Variants in TUBA4B observed in about 807,000 individuals in gnomAD.
TUBA4B encodes tubulin-like protein alpha-4B.
In TUBA4B, 13 loss-of-function variants were observed where a neutral mutation model predicts 18.4. The ratio of observed to expected loss-of-function variants is 0.71; its 90% confidence interval spans 0.46 to 1.12. The LOEUF is 1.12. Ranked by LOEUF, TUBA4B falls within the 50% of genes most tolerant of loss-of-function variation. The pLI, the probability that TUBA4B is intolerant of heterozygous loss-of-function variation, is 0.00. For synonymous variants in TUBA4B, 101 were observed against 99.1 expected, an observed-to-expected ratio of 1.02 and a Z score of -0.11; for missense variants, 244 against 250.0, an observed-to-expected ratio of 0.98 and a Z score of 0.16.
intron 1 of TUBA4B, chr2:219,253,857 AT>A: frequency 6.7e-7 from 1 of 1,484,984 alleles, no homozygotes; most frequent in Non-Finnish European, 8.9e-7. Context: ...CGCACTCACC[AT>A]GGTGAGTCCG....
In TUBA4B at chr2:219,266,583, T is replaced by C; in HGVS notation, c.58+17T>C. 1.4e-6 allele frequency: 1 copy of C among 702,772 alleles called. No individual in the cohort carries two copies. Among genetic ancestry groups the C allele is most frequent in the South Asian group, 1.5e-5 (1 of 67,590 alleles). The allele number at this position is 702,772 out of a possible 1,614,324, so 43.5% of individuals were successfully genotyped here. On this transcript the variant is annotated intron_variant, in intron 2 of 3. Transcript: ENST00000490341. ...GGCAGCATGGTGAGTAGAAGGGGCC[T>C]TGGGGGGACTGAGCATGCAAGTGAG...
Position 219,271,605 on chromosome 2 carries a change from T to C in TUBA4B, c.632T>C (p.Met211Thr). The C allele has an allele frequency of 6.2e-7, 1 of 1,614,164 alleles. No individual in the cohort carries two copies. The highest frequency in any genetic ancestry group is 1.6e-4 in the Middle Eastern group (1 of 6,062). Residue 211 changes from methionine (M) to threonine (T), a missense_variant, in exon 4 of 4, where the codon ATG becomes ACG. Met to Thr is a moderately conservative substitution (Grantham distance 81). Coordinates refer to ENST00000490341, the MANE Select transcript of TUBA4B (RefSeq NM_001355221.1). ...ACATCCACTTCCCCCTGGCCACCTA[T>C]GCACCAGTCATCTCTGCAGAAAAGG... ...YLTSTSPWPP[M>T]HQSSLQKRYT...
At chr2:219,269,113 A>G (rs1207973919) in intron 2 of TUBA4B, among the ~76,000 whole-genome samples, 1 of 152,200 alleles carries the variant, frequency 6.6e-6, no homozygotes, top group African/African-American at 2.4e-5. Context: ...AAAAAAGAAA[A>G]GAATAATGTG....
At chr2:219,256,527 C>T (rs1951721364) in intron 1 of TUBA4B, among the ~76,000 whole-genome samples, 1 of 152,248 alleles carries the variant, frequency 6.6e-6, no homozygotes. Context: ...TGTCCACATC[C>T]TCATCTCCAG....
At chr2:219,260,991 A>G (rs1014902421) in intron 1 of TUBA4B, among the ~76,000 whole-genome samples, 5 of 152,040 alleles carry the variant, frequency 3.3e-5, no homozygotes, top group African/African-American at 4.8e-5. Context: ...AAATAAATAA[A>G]TAAATAAAAT....
Position 219,271,573 on chromosome 2 carries a change from C to T in TUBA4B, c.600C>T (p.Ser200=), listed in dbSNP as rs779320800. 1 of 1,614,078 alleles carries T rather than the reference C, an allele frequency of 6.2e-7. No homozygotes were observed. Among genetic ancestry groups the T allele is most frequent in the African/African-American group, 1.3e-5 (1 of 74,926 alleles). Residue 200 remains serine, a synonymous_variant, in exon 4 of 4, where the codon TCC becomes TCT. Coordinates refer to ENST00000490341, the MANE Select transcript of TUBA4B (RefSeq NM_001355221.1). The stretch of plus-strand genomic sequence containing the variant: ...CAGAGTTCCAGACCAACCTGGTGTC[C>T]TACCTCACATCCACTTCCCCCTGGC... ...DLTEFQTNLV[S]YLTSTSPWPP...
At chr2:219,266,671 C>T in intron 2 of TUBA4B, 105 bp downstream of exon 2, 1 of 665,930 alleles carries the variant, frequency 1.5e-6, no homozygotes, top group Non-Finnish European at 2.7e-6. Context: ...GGTGATGGGG[C>T]TACAGTATGT....
intron 1 of TUBA4B, among the ~76,000 whole-genome samples, chr2:219,265,551 C>G (rs748349094): frequency 6.6e-6 from 1 of 152,098 alleles, no homozygotes; most frequent in Non-Finnish European, 1.5e-5. Flanking sequence ...GCAGGAGAAT[C>G]GCTCGAACCC....
chr2:219,266,513 T>C lies in TUBA4B; in HGVS notation c.13-8T>C. ...CTCACAGATCTATCCCTGCTCACTA[T>C]CCTGCAGCAGACAGAGAGACAAGAC... is the stretch of plus-strand genomic sequence containing the variant. On this transcript the variant is annotated splice_polypyrimidine_tract_variant and splice_region_variant and intron_variant, in intron 1 of 3. Transcript: ENST00000490341. The C allele has an allele frequency of 1.4e-6, 1 of 702,938 alleles. No individual in the cohort carries two copies. The highest frequency in any genetic ancestry group is 2.6e-6 in the Non-Finnish European group (1 of 384,960). The allele number at this position is 702,938 out of a possible 1,614,324, so 43.5% of individuals were successfully genotyped here. A position where few individuals can be genotyped will look rare whatever the true frequency, so the allele number is the denominator to read the frequency against.
intron 1 of TUBA4B, chr2:219,266,235 G>A (rs1380915518): frequency 2.5e-6 from 1 of 393,060 alleles, no homozygotes; most frequent in African/African-American, 2.1e-5. Context: ...TGTGCCACCA[G>A]GAAATGGGAT....
rs1188660998 is a variant in TUBA4B at position 219,254,532 on chromosome 2, C to T, written c.12+1113C>T. On this transcript the variant is annotated intron_variant, in intron 1 of 3. Coordinates refer to ENST00000490341, the MANE Select transcript of TUBA4B (RefSeq NM_001355221.1). ...TAGGCGCTCCCGCAGAGTCGAGCCC[C>T]GCAGCCTGTCTGCCGGGGCCGACCC... 4.6e-5 allele frequency: 7 copies of T among 152,322 alleles called. No individual in the cohort carries two copies. In the East Asian group the frequency reaches 5.8e-4, roughly 13 times the overall value. The allele number at this position is 152,322 out of a possible 1,614,324, so 9.4% of individuals were successfully genotyped here.
chr2:219,264,895 A>G (rs1951781240), intron 1 of TUBA4B, among the ~76,000 whole-genome samples: 1 of 152,232 alleles, frequency 6.6e-6, no homozygotes, highest in Non-Finnish European at 1.5e-5. Flanking sequence ...GCTAGTGGCC[A>G]TGCGTTCGAA....
Position 219,256,161 on chromosome 2 carries a change from T to G in TUBA4B, c.12+2742T>G, listed in dbSNP as rs530131430. Among the ~76,000 whole-genome samples, 8 of 152,314 alleles carry G rather than the reference T, an allele frequency of 5.3e-5. 1 individual carries two copies. The South Asian group carries it at 1.2e-3, about 24-fold the overall frequency. ...AGACTTGAGCTATCTTAGGAAAAACTCTAAACCTCTTTGACCTTCAGGTGC... is the reference window on the plus strand; with the variant it reads ...AGACTTGAGCTATCTTAGGAAAAACGCTAAACCTCTTTGACCTTCAGGTGC... On this transcript the variant is annotated intron_variant, in intron 1 of 3. Coordinates refer to ENST00000490341, the MANE Select transcript of TUBA4B (RefSeq NM_001355221.1).
chr2:219,271,097 C>T, intron 3 of TUBA4B, 69 bp from the exon 4 acceptor site: 1 of 637,224 alleles, frequency 1.6e-6, no homozygotes, highest in South Asian at 1.9e-5. Context: ...TAAAACAGCA[C>T]AAGTTGGTTC....
intron 1 of TUBA4B, among the ~76,000 whole-genome samples, chr2:219,265,427 A>G (rs1951784104): frequency 6.6e-6 from 1 of 152,204 alleles, no homozygotes; most frequent in South Asian, 2.1e-4. Flanking sequence ...ATCTGAGGCC[A>G]GGAGTTTGAG....
chr2:219,259,318 T>TAA (rs35321348), intron 1 of TUBA4B, among the ~76,000 whole-genome samples: 12 of 73,858 alleles, frequency 1.6e-4, no homozygotes, highest in South Asian at 4.2e-4. Flanking sequence ...AGACTCTGTC[T>TAA]AAAAAAAAAA....
Position 219,271,876 on chromosome 2 carries a change from G to A in TUBA4B, c.*177G>A, listed in dbSNP as rs1951829710. The A allele has an allele frequency of 6.2e-6, 9 of 1,459,686 alleles. No homozygotes were observed. Among genetic ancestry groups the A allele is most frequent in the Non-Finnish European group, 8.7e-6 (9 of 1,039,670 alleles). The allele number at this position is 1,459,686 out of a possible 1,614,324, so 90.4% of individuals were successfully genotyped here. On this transcript the variant is annotated 3_prime_UTR_variant, in exon 4 of 4. Coordinates refer to ENST00000490341, the MANE Select transcript of TUBA4B (RefSeq NM_001355221.1). ...TATCAATCACCAGCCTCCCACTGTG[G>A]TGCCTGGGAGTGACCTGGTAAAGTG...
intron 1 of TUBA4B, among the ~76,000 whole-genome samples, chr2:219,259,688 C>A (rs929078422): frequency 6.6e-6 from 1 of 152,140 alleles, no homozygotes; most frequent in Admixed American, 6.6e-5. Flanking sequence ...TGACCCCTTC[C>A]CAGGGTCTCA....
chr2:219,255,640 G>T (rs1951713146), intron 1 of TUBA4B, among the ~76,000 whole-genome samples: 1 of 152,178 alleles, frequency 6.6e-6, no homozygotes, highest in South Asian at 2.1e-4. Context: ...AAAGTGCTGG[G>T]ATTACAGGCC....
Sources: gnomAD v4.1 joint callset for allele counts (sites outside exome capture counted in the v4.1 genomes callset) on GRCh38, gnomAD v4.1.1 for gene constraint, MANE v1.5 for transcripts, NCBI Gene and HGNC (gene_info 2026-07-23, HGNC 2026-07-21) for gene names.